The following OTOP1 variants were observed in gnomAD, a reference collection of about 807,000 sequenced individuals.
OTOP1 encodes the protein proton channel OTOP1.
In OTOP1, 59 loss-of-function variants were observed where a neutral mutation model predicts 52.9. That is an observed-to-expected ratio of 1.12 (90% CI 0.91 to 1.39). The LOEUF (loss-of-function observed/expected upper bound fraction) is 1.39, where lower values mean the gene tolerates loss of function less well. OTOP1 is among the 40% of genes most tolerant of loss of function. OTOP1 has a pLI of 0.00. For synonymous variants in OTOP1, 317 were observed against 337.7 expected (o/e 0.94, Z 0.67); for missense variants, 761 against 800.9 (o/e 0.95, Z 0.60).
intron 3 of OTOP1, among the ~76,000 whole-genome samples, chr4:4,205,605 T>C (rs935671142): frequency 1.3e-5 from 2 of 152,154 alleles, no homozygotes; most frequent in Admixed American, 6.5e-5. Flanking sequence ...GCAAGGCCCC[T>C]AAACCACTGC....
intron 3 of OTOP1, among the ~76,000 whole-genome samples, chr4:4,205,451 A>G (rs1362579253): frequency 6.6e-6 from 1 of 152,136 alleles, no homozygotes; most frequent in African/African-American, 2.4e-5. Context: ...ACAGAAAGAG[A>G]TGTGAGTTTT....
intron 1 of OTOP1, among the ~76,000 whole-genome samples, chr4:4,219,351 T>C (rs150512628): frequency 4.5e-4 from 68 of 152,256 alleles, no homozygotes; most frequent in African/African-American, 1.6e-3. Context: ...GTATGGGATT[T>C]AAAGTTAATG....
intron 3 of OTOP1, among the ~76,000 whole-genome samples, chr4:4,204,140 C>A (rs538711570): frequency 1.2e-4 from 18 of 152,286 alleles, no homozygotes; most frequent in African/African-American, 4.3e-4. Flanking sequence ...CTCTCTGGGT[C>A]TCTCTCGGGA....
At chr4:4,202,390 C>A in intron 4 of OTOP1, 58 bp downstream of exon 4, 2 of 1,605,088 alleles carry the variant, frequency 1.2e-6, no homozygotes, top group Non-Finnish European at 8.5e-7. Context: ...GTGGACTCTG[C>A]AGGTTTCCAA....
At chr4:4,194,241 T>A (rs1716573890) in intron 5 of OTOP1, among the ~76,000 whole-genome samples, 1 of 152,244 alleles carries the variant, frequency 6.6e-6, no homozygotes, top group Non-Finnish European at 1.5e-5. Flanking sequence ...AAGCATATGC[T>A]TGAGGAAGAT....
At chr4:4,216,904 C>G (rs1717165649) in intron 1 of OTOP1, among the ~76,000 whole-genome samples, 1 of 152,196 alleles carries the variant, frequency 6.6e-6, no homozygotes, top group African/African-American at 2.4e-5. Flanking sequence ...GCATCAGAAT[C>G]AGCTGCAGTG....
In OTOP1 at chr4:4,226,483, C is replaced by T; in HGVS notation, c.382G>A (p.Ala128Thr). 1.3e-6 allele frequency: 2 copies of T among 1,538,256 alleles called. No homozygotes were observed. The highest frequency in any genetic ancestry group is 1.7e-6 in the Non-Finnish European group (2 of 1,149,074). Reference protein sequence around the residue: ...RRLFRLKDTHAGAGWLRGSIT... With the variant: ...RRLFRLKDTHTGAGWLRGSIT... ...TCACCGCGCAGCCAGCCGGCACCCGCGTGCGTGTCCTTGAGGCGGAAGAGG... is the reference window on the plus strand; with the variant it reads ...TCACCGCGCAGCCAGCCGGCACCCGTGTGCGTGTCCTTGAGGCGGAAGAGG... The change falls in exon 1 of 6, where the codon GCG becomes ACG. Residue 128 changes from alanine to threonine, a missense_variant. By Grantham distance (58) the Ala-to-Thr change is moderately conservative. This residue lies in a region of OTOP1 where 632 missense variants were observed against 619.5 expected (regional missense o/e 1.02). Transcript: ENST00000296358.
intron 1 of OTOP1, 42 bp downstream of exon 1, chr4:4,226,420 G>A: frequency 7.2e-7 from 1 of 1,388,120 alleles, no homozygotes; most frequent in Non-Finnish European, 9.3e-7. Flanking sequence ...GCAGCCAGCG[G>A]GCGAGGAGGC....
At chr4:4,223,759 G>A (rs1208524119) in intron 1 of OTOP1, among the ~76,000 whole-genome samples, 1 of 151,990 alleles carries the variant, frequency 6.6e-6, no homozygotes, top group Non-Finnish European at 1.5e-5. Flanking sequence ...AAATTAGCTG[G>A]GTGTGGTGGC....
At chr4:4,189,236 C>G (rs1172832749) in intron 5 of OTOP1, among the ~76,000 whole-genome samples, 3 of 152,250 alleles carry the variant, frequency 2.0e-5, no homozygotes, top group Non-Finnish European at 4.4e-5. Context: ...CCATCCAACT[C>G]TTTCCATCCC....
chr4:4,214,904 T>G (rs1717106018), intron 1 of OTOP1, among the ~76,000 whole-genome samples: 1 of 152,204 alleles, frequency 6.6e-6, no homozygotes, highest in Non-Finnish European at 1.5e-5. Context: ...TTAACACCAC[T>G]GAGCTGTACA....
At chr4:4,194,550 C>T (rs1029295247) in intron 5 of OTOP1, among the ~76,000 whole-genome samples, 1 of 152,250 alleles carries the variant, frequency 6.6e-6, no homozygotes. Context: ...GCTTGGCAGA[C>T]ACACAGCCAT....
In OTOP1 at chr4:4,197,369, C is replaced by T; in HGVS notation, c.1465G>A (p.Ala489Thr). ...GGTGGCATGTCCTTGCCCTGGGGAG[C>T]CACATCTCTGGCCACACCTCCACTC... ...PKSGGVARDV[A>T]PQGKDMPPAA... The change falls in exon 5 of 6, where the codon GCT becomes ACT. Residue 489 changes from alanine to threonine, a missense_variant. Ala to Thr is a moderately conservative substitution (Grantham distance 58). Around this residue, in one of 3 missense-constraint regions of OTOP1, gnomAD observed 632 missense variants for 619.5 expected, o/e 1.02. Transcript: ENST00000296358. The T allele has an allele frequency of 3.7e-6, 6 of 1,614,052 alleles. No individual in the cohort carries two copies. Among genetic ancestry groups the T allele is most frequent in the East Asian group, 2.2e-5 (1 of 44,870 alleles).
rs143202214 is a variant in OTOP1, at chr4:4,212,883, C to T, written c.525G>A (p.Val175=). 6.8e-6 allele frequency: 11 copies of T among 1,613,872 alleles called. No homozygotes were observed. The highest frequency in any genetic ancestry group is 6.7e-5 in the African/African-American group (5 of 74,878). Residue 175 remains valine, a synonymous_variant, in exon 2 of 6, where the codon GTG becomes GTA. Coordinates refer to ENST00000296358, the MANE Select transcript of OTOP1 (RefSeq NM_177998.3). ...TEGVFPVTHS[V]HTLLQVYFLW... is the part of the protein sequence containing the mutation. ...AGTGGTTTACCTGCAACAAAGTATG[C>T]ACTGAATGGGTGACTGGGAAAACTC...
chr4:4,199,983 C>T (rs1199052184), intron 4 of OTOP1, among the ~76,000 whole-genome samples: 1 of 151,962 alleles, frequency 6.6e-6, no homozygotes, highest in African/African-American at 2.4e-5. Context: ...TAGGTACATG[C>T]GTGTTTGGAT....
chr4:4,199,823 G>A (rs1235575254), intron 4 of OTOP1, among the ~76,000 whole-genome samples: 1 of 152,212 alleles, frequency 6.6e-6, no homozygotes, highest in East Asian at 1.9e-4. Context: ...GTACCAGGCT[G>A]TAAAATCAGG....
intron 5 of OTOP1, among the ~76,000 whole-genome samples, chr4:4,191,432 C>G (rs1366836794): frequency 1.3e-5 from 2 of 152,220 alleles, no homozygotes; most frequent in Admixed American, 1.3e-4. Flanking sequence ...AAAATCTACA[C>G]TCCCGCATGG....
intron 4 of OTOP1, among the ~76,000 whole-genome samples, chr4:4,200,983 T>C (rs542046299): frequency 6.6e-6 from 1 of 152,284 alleles, no homozygotes; most frequent in East Asian, 1.9e-4. Context: ...ACAGAGTCCT[T>C]TTTTAGAAAA....
At chr4:4,209,179 C>G (rs113215832) in intron 2 of OTOP1, among the ~76,000 whole-genome samples, 1 of 152,154 alleles carries the variant, frequency 6.6e-6, no homozygotes, top group African/African-American at 2.4e-5. Flanking sequence ...AGGCAGGAGT[C>G]CCCTCTCCTT....
Sources: gnomAD v4.1 joint callset for allele counts (sites outside exome capture counted in the v4.1 genomes callset) on GRCh38, gnomAD v4.1.1 for gene constraint, gnomAD v4.1.1 regional missense constraint, MANE v1.5 for transcripts, NCBI Gene and HGNC (gene_info 2026-07-23, HGNC 2026-07-21) for gene names.